RGS6: variants seen among roughly 807,000 people sequenced by gnomAD.
RGS6 encodes regulator of G protein signaling 6.
A neutral mutation model predicts 78.5 loss-of-function variants in RGS6; 30 were observed. That is an observed-to-expected ratio of 0.38 (90% CI 0.29 to 0.52). RGS6 has a LOEUF of 0.52. RGS6 is among the 20% of genes least tolerant of loss of function. RGS6 has a pLI of 0.85. For synonymous variants in RGS6, 206 were observed against 206.0 expected, an observed-to-expected ratio of 1.00 and a Z score of 0.00; for missense variants, 495 against 609.7, an observed-to-expected ratio of 0.81 and a Z score of 1.98.
the RGS6 span, among the ~76,000 whole-genome samples, chr14:72,573,620 T>C: frequency 6.6e-6 from 1 of 152,108 alleles, no homozygotes; most frequent in Non-Finnish European, 1.5e-5. Flanking sequence ...TAGATAAATA[T>C]CTCCTATTCA....
At chr14:72,598,978 T>C in the RGS6 span, among the ~76,000 whole-genome samples, 1 of 151,800 alleles carries the variant, frequency 6.6e-6, no homozygotes, top group South Asian at 2.1e-4. Context: ...GGTCTGGGCA[T>C]TGGGAGACCC....
chr14:72,627,756 A>T, the RGS6 span, among the ~76,000 whole-genome samples: 1 of 152,148 alleles, frequency 6.6e-6, no homozygotes, highest in Admixed American at 6.5e-5. Flanking sequence ...TGACATCTTT[A>T]TAATGTCAAG....
At chr14:72,414,524 C>T (rs1161611253) in intron 3 of RGS6, among the ~76,000 whole-genome samples, 2 of 152,094 alleles carry the variant, frequency 1.3e-5, no homozygotes, top group African/African-American at 4.8e-5. Context: ...CCTCCTTTAG[C>T]TGGTAGTTTG....
chr14:72,473,686 G>A (rs1463878450), intron 9 of RGS6, among the ~76,000 whole-genome samples: 2 of 152,184 alleles, frequency 1.3e-5, no homozygotes, highest in Non-Finnish European at 2.9e-5. Flanking sequence ...GCACATTGAA[G>A]CATCACTCCC....
At chr14:72,168,026 T>G (rs1449506157) in intron 2 of RGS6, among the ~76,000 whole-genome samples, 1 of 152,172 alleles carries the variant, frequency 6.6e-6, no homozygotes, top group Non-Finnish European at 1.5e-5. Flanking sequence ...CCCTAGGGGA[T>G]CCCAGCAGTC....
chr14:72,175,892 C>A (rs1251860992), intron 2 of RGS6, among the ~76,000 whole-genome samples: 1 of 152,154 alleles, frequency 6.6e-6, no homozygotes, highest in African/African-American at 2.4e-5. Flanking sequence ...GCTGGTCCCC[C>A]ACTCTCAGCC....
intron 2 of RGS6, among the ~76,000 whole-genome samples, chr14:72,290,129 CAT>C (rs2063325533): frequency 6.6e-6 from 1 of 152,196 alleles, no homozygotes; most frequent in Non-Finnish European, 1.5e-5. Flanking sequence ...ATCAATCTCT[CAT>C]AAAATAAAGA....
intron 3 of RGS6, among the ~76,000 whole-genome samples, chr14:72,391,160 A>T (rs779185438): frequency 3.9e-5 from 6 of 152,260 alleles, no homozygotes; most frequent in Non-Finnish European, 7.3e-5. Context: ...TAATGCATGA[A>T]TGTGTTAATT....
chr14:72,190,884 C>T (rs950208317), intron 2 of RGS6, among the ~76,000 whole-genome samples: 4 of 152,086 alleles, frequency 2.6e-5, no homozygotes, highest in East Asian at 1.9e-4. Flanking sequence ...TGATTTCTTA[C>T]GATTAGAGAT....
chr14:72,311,665 A>T (rs763617154), intron 2 of RGS6, among the ~76,000 whole-genome samples: 12 of 152,062 alleles, frequency 7.9e-5, no homozygotes, highest in Admixed American at 2.0e-4. Context: ...TTTGTTTCTA[A>T]TGATGATGAT....
downstream of RGS6, among the ~76,000 whole-genome samples, chr14:72,569,086 G>C (rs1022024438): frequency 2.0e-5 from 3 of 151,216 alleles, no homozygotes; most frequent in African/African-American, 7.4e-5. Context: ...TATTAACACA[G>C]GGAGGAACCT....
intron 3 of RGS6, among the ~76,000 whole-genome samples, chr14:72,400,190 T>C (rs1223056942): frequency 3.9e-5 from 6 of 152,206 alleles, no homozygotes; most frequent in African/African-American, 9.6e-5. Context: ...GCTGATCTCT[T>C]GGCAGAAACT....
At chr14:71,906,750 T>C in the RGS6 span, among the ~76,000 whole-genome samples, 12 of 152,270 alleles carry the variant, frequency 7.9e-5, no homozygotes, top group South Asian at 1.9e-3. Flanking sequence ...GGAGTTAATT[T>C]AGGCACTCGT....
At chr14:72,222,663 A>T (rs2047151786) in intron 2 of RGS6, among the ~76,000 whole-genome samples, 1 of 152,258 alleles carries the variant, frequency 6.6e-6, no homozygotes, top group Non-Finnish European at 1.5e-5. Flanking sequence ...ACCAAGTGTC[A>T]TGCAAAACAT....
chr14:72,496,530 G>T (rs2096647626), intron 13 of RGS6, among the ~76,000 whole-genome samples: 1 of 152,216 alleles, frequency 6.6e-6, no homozygotes, highest in Admixed American at 6.5e-5. Flanking sequence ...TTAAGAAAAT[G>T]CGTAGTGCCC....
chr14:72,391,348 C>T (rs1309909153), intron 3 of RGS6, among the ~76,000 whole-genome samples: 2 of 152,146 alleles, frequency 1.3e-5, no homozygotes, highest in African/African-American at 4.8e-5. Flanking sequence ...AAAAACTGGC[C>T]GTGGAAAAGG....
chr14:72,579,167 G>A, the RGS6 span, among the ~76,000 whole-genome samples: 2,700 of 151,992 alleles, frequency 0.018, 78 homozygotes, highest in African/African-American at 0.06. Flanking sequence ...CTTGATCAAT[G>A]GCCTATCCTA....
the RGS6 span, among the ~76,000 whole-genome samples, chr14:72,602,461 T>A: frequency 6.6e-6 from 1 of 152,158 alleles, no homozygotes; most frequent in Non-Finnish European, 1.5e-5. Flanking sequence ...TCATGGAGGT[T>A]ATGTAGCATG....
At chr14:72,403,920 T>A (rs961559447) in intron 3 of RGS6, among the ~76,000 whole-genome samples, 1 of 152,228 alleles carries the variant, frequency 6.6e-6, no homozygotes, top group South Asian at 2.1e-4. Context: ...TTATTGAACC[T>A]GTAATAAAGT....
Sources: allele counts gnomAD v4.1 joint callset (sites outside exome capture counted in the v4.1 genomes callset), GRCh38; gene constraint gnomAD v4.1.1; transcripts MANE v1.5; gene names NCBI Gene and HGNC (gene_info 2026-07-23, HGNC 2026-07-21).